The following ATP8A1 variants were observed in gnomAD, a reference collection of about 807,000 sequenced individuals.
ATP8A1 encodes the protein ATPase phospholipid transporting 8A1, also known as phospholipid-transporting ATPase IA.
ATP8A1 carries 90 observed loss-of-function variants against 177.7 expected under a neutral mutation model. The observed-to-expected ratio is 0.51, with a 90% CI of 0.43 to 0.60. The LOEUF (loss-of-function observed/expected upper bound fraction) is 0.60, where lower values mean the gene tolerates loss of function less well. Ranked by LOEUF, ATP8A1 falls within the 20% of genes least tolerant of loss-of-function variation. The pLI, the probability that ATP8A1 is intolerant of heterozygous loss-of-function variation, is 0.00. For synonymous variants in ATP8A1, 493 were observed against 485.9 expected (o/e 1.01, Z -0.19); for missense variants, 1,072 against 1,392.8 (o/e 0.77, Z 3.67).
In ATP8A1 at chr4:42,566,925, GCTGA is replaced by G. The variant is rs559091959; in HGVS notation, c.1340+2232_1340+2235del. ...GCACCAGAACTAACACTCAGTGTGG[GCTGA>G]CTATGTGCAGACACTATCCAAAGCA... On this transcript the variant is annotated intron_variant, in intron 15 of 36. Coordinates refer to ENST00000381668, the MANE Select transcript of ATP8A1 (RefSeq NM_006095.2). Among the ~76,000 whole-genome samples, 41 of 152,322 alleles carry G rather than the reference GCTGA, an allele frequency of 2.7e-4. No individual in the cohort carries two copies. The East Asian group carries it at 4.2e-3, about 16-fold the overall frequency.
chr4:42,497,446 G>A (rs558551805), intron 24 of ATP8A1, among the ~76,000 whole-genome samples: 1 of 152,152 alleles, frequency 6.6e-6, no homozygotes, highest in Non-Finnish European at 1.5e-5. Context: ...AATGGCAAGG[G>A]GGCAGACTAG....
intron 12 of ATP8A1, among the ~76,000 whole-genome samples, chr4:42,576,393 G>A (rs1305505041): frequency 6.9e-6 from 1 of 144,696 alleles, no homozygotes; most frequent in Non-Finnish European, 1.5e-5. Flanking sequence ...GGAGAATGGC[G>A]TGAACCCGGG....
intron 18 of ATP8A1, 89 bp downstream of exon 18, chr4:42,551,109 T>C (rs1729455927): frequency 1.8e-6 from 2 of 1,099,720 alleles, no homozygotes; most frequent in South Asian, 1.3e-5. Flanking sequence ...ACCTCTATTT[T>C]ACTATGAGCC....
chr4:42,463,661 T>C (rs1354356666), intron 27 of ATP8A1, among the ~76,000 whole-genome samples: 2 of 152,194 alleles, frequency 1.3e-5, no homozygotes, highest in East Asian at 1.9e-4. Flanking sequence ...CAGAACAAAA[T>C]GCATCCTTTT....
rs36117571 is a variant in ATP8A1 at position 42,601,033 on chromosome 4, CTTTTTT to C, written c.410-521_410-516del. 3.2e-3 allele frequency among the ~76,000 whole-genome samples: 328 copies of C among 102,422 alleles called. 1 individual carries two copies. The highest frequency in any genetic ancestry group is 4.6e-3 in the Non-Finnish European group (239 of 52,506). The allele number at this position is 102,422 out of a possible 152,430, so 67.2% of individuals were successfully genotyped here. On this transcript the variant is annotated intron_variant, in intron 5 of 36. Coordinates refer to ENST00000381668, the MANE Select transcript of ATP8A1 (RefSeq NM_006095.2). Reference sequence around the variant, plus strand: ...AAAAAGCAAAAACAACCCAAATTTTCTTTTTTTTTTTTTTTTTTTTGAGATGGAGTC... The same window carrying C: ...AAAAAGCAAAAACAACCCAAATTTTCTTTTTTTTTTTTTTGAGATGGAGTC...
intron 12 of ATP8A1, among the ~76,000 whole-genome samples, chr4:42,576,683 C>A (rs1439925905): frequency 6.6e-6 from 1 of 151,940 alleles, no homozygotes; most frequent in Non-Finnish European, 1.5e-5. Flanking sequence ...CCATCTCTCC[C>A]ATGTCTGTAT....
chr4:42,427,420 C>A (rs970197142), intron 33 of ATP8A1, among the ~76,000 whole-genome samples: 4 of 152,170 alleles, frequency 2.6e-5, no homozygotes, highest in Non-Finnish European at 4.4e-5. Flanking sequence ...AGTGTTAAGT[C>A]ACTCTGCAGT....
At chr4:42,641,754 T>C (rs980463802) in intron 1 of ATP8A1, among the ~76,000 whole-genome samples, 1 of 152,214 alleles carries the variant, frequency 6.6e-6, no homozygotes, top group African/African-American at 2.4e-5. Context: ...ATGAAAGTTA[T>C]CTGAATCATT....
chr4:42,433,540 A>G (rs1715548177), intron 33 of ATP8A1, among the ~76,000 whole-genome samples: 1 of 152,210 alleles, frequency 6.6e-6, no homozygotes, highest in African/African-American at 2.4e-5. Flanking sequence ...AAATAACTAA[A>G]GGGTGTTTCA....
chr4:42,420,008 A>AC lies in ATP8A1; in HGVS notation c.3305+2798_3305+2799insG, dbSNP rs1198132500. ...ACAGTGCAAGACTCCGTCTCAAAAA[A>AC]AAACAAACAAACAAAAAAAAAAAAC... is the stretch of plus-strand genomic sequence containing the variant. On this transcript the variant is annotated intron_variant, in intron 35 of 36. Coordinates refer to ENST00000381668, the MANE Select transcript of ATP8A1 (RefSeq NM_006095.2). 5.5e-3 allele frequency among the ~76,000 whole-genome samples: 710 copies of AC among 128,650 alleles called. 2 individuals carry two copies. The highest frequency in any genetic ancestry group is 6.8e-3 in the Admixed American group (86 of 12,622). 84.4% of individuals were successfully genotyped at this position (128,650 alleles called of 152,430 possible). A position where few individuals can be genotyped will look rare whatever the true frequency, so the allele number is the denominator to read the frequency against.
chr4:42,495,221 C>T (rs76609160), intron 24 of ATP8A1, among the ~76,000 whole-genome samples: 6,333 of 152,236 alleles, frequency 0.042, 164 homozygotes, highest in South Asian at 0.06. Flanking sequence ...TATGAATTAA[C>T]GGAACATTCT....
intron 24 of ATP8A1, among the ~76,000 whole-genome samples, chr4:42,489,108 T>G (rs1228343176): frequency 1.3e-5 from 2 of 152,218 alleles, no homozygotes; most frequent in South Asian, 2.1e-4. Context: ...TCCATTACTT[T>G]AACAGACTTT....
chr4:42,558,602 A>G (rs1161882547), intron 15 of ATP8A1, among the ~76,000 whole-genome samples: 2 of 152,242 alleles, frequency 1.3e-5, no homozygotes, highest in Non-Finnish European at 2.9e-5. Context: ...TTGTCCTTGC[A>G]TATGACAGTA....
At chr4:42,510,194 A>G (rs1724869764) in intron 22 of ATP8A1, among the ~76,000 whole-genome samples, 1 of 152,230 alleles carries the variant, frequency 6.6e-6, no homozygotes, top group Non-Finnish European at 1.5e-5. Flanking sequence ...CACTTGATGC[A>G]TGACTTCTTA....
At chr4:42,452,095 G>A (rs147112832) in intron 29 of ATP8A1, 36 bp from the exon 30 acceptor site, 14,930 of 1,451,640 alleles carry the variant, frequency 0.01, 109 homozygotes, top group Non-Finnish European at 0.011. Context: ...AACCATTTGC[G>A]ATAAACTAGC....
chr4:42,523,310 G>C (rs1228095566), intron 21 of ATP8A1, among the ~76,000 whole-genome samples: 1 of 152,110 alleles, frequency 6.6e-6, no homozygotes, highest in Non-Finnish European at 1.5e-5. Context: ...TAGATATCTA[G>C]GTTCACAAGA....
chr4:42,639,107 T>C (rs1170970778), intron 1 of ATP8A1, among the ~76,000 whole-genome samples: 1 of 152,058 alleles, frequency 6.6e-6, no homozygotes, highest in Non-Finnish European at 1.5e-5. Flanking sequence ...ACCCACATGC[T>C]GAGTAATTGT....
rs76735711 is a variant in ATP8A1 at position 42,540,585 on chromosome 4, T to G, written c.1722+3332A>C. 8.6e-5 allele frequency among the ~76,000 whole-genome samples: 13 copies of G among 150,440 alleles called. No individual in the cohort carries two copies. The East Asian group carries it at 2.5e-3, about 29-fold the overall frequency. Reference sequence around the variant, plus strand: ...AAAAAACAGGTGTATATACACACAATGGTATACTATTCAGCCATAAAGAAT... The same window carrying G: ...AAAAAACAGGTGTATATACACACAAGGGTATACTATTCAGCCATAAAGAAT... On this transcript the variant is annotated intron_variant, in intron 20 of 36. Coordinates refer to ENST00000381668, the MANE Select transcript of ATP8A1 (RefSeq NM_006095.2).
chr4:42,441,135 A>G (rs1240317554), intron 33 of ATP8A1, among the ~76,000 whole-genome samples: 1 of 152,176 alleles, frequency 6.6e-6, no homozygotes, highest in African/African-American at 2.4e-5. Flanking sequence ...TAAACATGTC[A>G]AGGCAGCAGA....
Sources: allele counts gnomAD v4.1 joint callset (sites outside exome capture counted in the v4.1 genomes callset), GRCh38; gene constraint gnomAD v4.1.1; transcripts MANE v1.5; gene names NCBI Gene and HGNC (gene_info 2026-07-23, HGNC 2026-07-21).